Variants in USP25 observed in about 807,000 individuals in gnomAD.
USP25 encodes the protein ubiquitin carboxyl-terminal hydrolase 25.
In USP25, 85 loss-of-function variants were observed where a neutral mutation model predicts 158.5. The ratio of observed to expected loss-of-function variants is 0.54; its 90% confidence interval spans 0.45 to 0.64. The LOEUF (loss-of-function observed/expected upper bound fraction) is 0.64. USP25 is among the 30% of genes least tolerant of loss of function. The pLI is 0.00. For missense variants in USP25, 1,242 were observed against 1,327.3 expected (o/e 0.94, Z 1.00); for synonymous variants, 464 against 460.4 (o/e 1.01, Z -0.10).
rs1351856294 is a variant in USP25 at position 15,816,334 on chromosome 21, C to T, written c.932-2364C>T. Reference sequence around the variant, plus strand: ...AGTTCCAATTAATCCTCTTTTTCTTCCCAGTTTGGGATGTGTCTTTATCAG... The same window carrying T: ...AGTTCCAATTAATCCTCTTTTTCTTTCCAGTTTGGGATGTGTCTTTATCAG... On this transcript the variant is annotated intron_variant, in intron 9 of 25. Coordinates refer to ENST00000400183, the MANE Select transcript of USP25 (RefSeq NM_001283041.3). This position sits in a 1 kb window ranked among gnomAD's most constrained non-coding sequence, Gnocchi z 4.0. 1.3e-5 allele frequency among the ~76,000 whole-genome samples: 2 copies of T among 152,150 alleles called. No homozygotes were observed. The highest frequency in any genetic ancestry group is 2.9e-5 in the Non-Finnish European group (2 of 68,012).
Position 15,827,146 on chromosome 21 carries a change from T to C in USP25, c.1636T>C (p.Ser546Pro), listed in dbSNP as rs772630919. The change falls in exon 14 of 26, where the codon TCT becomes CCT. Residue 546 changes from serine to proline, a missense_variant. Coordinates refer to ENST00000400183, the MANE Select transcript of USP25 (RefSeq NM_001283041.3). ...APRHITEEEL[S>P]VLESCLHRWR... ...AAGGCACATAACGGAGGAAGAACTT[T>C]CTGTGCTGGAAAGTTGTTTACATCG... 51 of 1,614,052 alleles carry C rather than the reference T, an allele frequency of 3.2e-5. No individual in the cohort carries two copies. The highest frequency in any genetic ancestry group is 4.3e-5 in the Non-Finnish European group (51 of 1,180,040).
chr21:15,812,576 A>G (rs1600994834), intron 9 of USP25, among the ~76,000 whole-genome samples: 1 of 151,838 alleles, frequency 6.6e-6, no homozygotes, highest in African/African-American at 2.4e-5. Context: ...ACGTGAACCC[A>G]GGAGGCGGAG....
chr21:15,825,706 T>C (rs2037468287), intron 12 of USP25, among the ~76,000 whole-genome samples: 1 of 152,184 alleles, frequency 6.6e-6, no homozygotes, highest in Admixed American at 6.5e-5. Context: ...CCCAATCTGC[T>C]CTGCATTCCC....
Position 15,842,410 on chromosome 21 carries a change from G to A in USP25, c.2207G>A (p.Gly736Glu). The A allele has an allele frequency of 1.2e-6, 2 of 1,613,430 alleles. No homozygotes were observed. The highest frequency in any genetic ancestry group is 2.2e-5 in the South Asian group (2 of 91,052). The change falls in exon 18 of 26, where the codon GGA (glycine) becomes GAA (glutamate). Residue 736 changes from glycine to glutamate, a missense_variant. Physicochemically the swap from Gly to Glu is moderately conservative, Grantham distance 98. Transcript: ENST00000400183. ...TTTTCTCATGAAGCACAAGCAGCAG[G>A]AGACCCAGAATATCTAGAGCAGCCA... ...ETSVTTAQAA[G>E]DPEYLEQPSR... is the part of the protein sequence containing the mutation.
chr21:15,785,570 A>G (rs560343108), intron 4 of USP25, among the ~76,000 whole-genome samples: 5 of 152,378 alleles, frequency 3.3e-5, no homozygotes, highest in African/African-American at 9.6e-5. Context: ...TTAATAACCA[A>G]TGGGTCAGTG....
chr21:15,751,835 A>G (rs1303990476), intron 1 of USP25, among the ~76,000 whole-genome samples: 5 of 152,232 alleles, frequency 3.3e-5, no homozygotes, highest in Admixed American at 1.3e-4. Flanking sequence ...GTGCTGAGTA[A>G]CAGTATTTTT....
intron 24 of USP25, chr21:15,876,766 A>G (rs2040114283): frequency 6.6e-6 from 1 of 152,210 alleles, no homozygotes; most frequent in African/African-American, 2.4e-5. Flanking sequence ...TAATTGATTC[A>G]TGGCCAAGTT....
chr21:15,832,933 G>A (rs900060988), intron 16 of USP25, among the ~76,000 whole-genome samples: 3 of 152,028 alleles, frequency 2.0e-5, no homozygotes, highest in Non-Finnish European at 4.4e-5. Context: ...CGGGAGAATC[G>A]TCTGAACCCG....
chr21:15,739,818 A>G (rs1286523723), intron 1 of USP25, among the ~76,000 whole-genome samples: 1 of 152,242 alleles, frequency 6.6e-6, no homozygotes, highest in East Asian at 1.9e-4. Flanking sequence ...GTGAGCAAGT[A>G]GATGATGTGA....
chr21:15,752,129 C>T (rs1464380320), intron 1 of USP25, among the ~76,000 whole-genome samples: 1 of 152,072 alleles, frequency 6.6e-6, no homozygotes, highest in Non-Finnish European at 1.5e-5. Context: ...GATGGGGTTT[C>T]ACCATGTTGG....
intron 1 of USP25, among the ~76,000 whole-genome samples, chr21:15,746,013 C>A (rs952772799): frequency 3.9e-5 from 6 of 152,152 alleles, no homozygotes; most frequent in African/African-American, 1.4e-4. Flanking sequence ...ATTAATTGAT[C>A]ATGTATGAGT....
At chr21:15,819,949 A>G (rs1272303619) in intron 10 of USP25, among the ~76,000 whole-genome samples, 1 of 152,052 alleles carries the variant, frequency 6.6e-6, no homozygotes, top group African/African-American at 2.4e-5. Context: ...TACATCGTAG[A>G]TCATCTATTT....
At position 15,851,127 on chromosome 21, in the gene USP25, C is replaced by A. The variant is rs1460533381; in HGVS notation, c.2547+1255C>A. 2.0e-5 allele frequency among the ~76,000 whole-genome samples: 3 copies of A among 151,046 alleles called. No homozygotes were observed. In the East Asian group the frequency reaches 5.8e-4, roughly 29 times the overall value. Reference sequence around the variant, plus strand: ...ACATTTTCTTTTCTTAAAAAAAAAACACTGAATATATGTCCTCTAAAGTAT... The same window carrying A: ...ACATTTTCTTTTCTTAAAAAAAAAAAACTGAATATATGTCCTCTAAAGTAT... On this transcript the variant is annotated intron_variant, in intron 20 of 25. Transcript: ENST00000400183.
intron 7 of USP25, among the ~76,000 whole-genome samples, chr21:15,806,538 G>A (rs1048034429): frequency 6.6e-6 from 1 of 151,952 alleles, no homozygotes; most frequent in Admixed American, 6.6e-5. Flanking sequence ...ATGTACATAG[G>A]TGGGCTTTTC....
rs186700671 is a variant in USP25 at position 15,753,158 on chromosome 21, A to C, written c.46-9733A>C. Among the ~76,000 whole-genome samples, 359 of 152,290 alleles carry C rather than the reference A, an allele frequency of 2.4e-3. 5 individuals are homozygous for C. Among genetic ancestry groups the C allele is most frequent in the African/African-American group, 8.3e-3 (347 of 41,564 alleles). ...ACATCACATGTAGAGGAGGGGTCCC[A>C]GTGGTGCAAATGCAGTGAGTCACTA... On this transcript the variant is annotated intron_variant, in intron 1 of 25. Coordinates refer to ENST00000400183, the MANE Select transcript of USP25 (RefSeq NM_001283041.3).
At chr21:15,850,558 T>C (rs2038839080) in intron 20 of USP25, among the ~76,000 whole-genome samples, 1 of 152,030 alleles carries the variant, frequency 6.6e-6, no homozygotes, top group African/African-American at 2.4e-5. Context: ...TTCAAGTTTT[T>C]TTTTTTTTCA....
intron 18 of USP25, 121 bp from the exon 19 acceptor site, chr21:15,847,542 A>C: frequency 1.6e-6 from 1 of 627,934 alleles, no homozygotes; most frequent in South Asian, 2.2e-5. Context: ...ACTTTTAAAA[A>C]TAAGTCATAT....
intron 1 of USP25, among the ~76,000 whole-genome samples, chr21:15,756,284 C>T (rs761127669): frequency 2.0e-5 from 3 of 152,122 alleles, no homozygotes; most frequent in Non-Finnish European, 4.4e-5. Flanking sequence ...AAACCTCTCC[C>T]TGTGCTTTGG....
intron 1 of USP25, among the ~76,000 whole-genome samples, chr21:15,750,150 A>G (rs1228870019): frequency 6.7e-6 from 1 of 149,840 alleles, no homozygotes; most frequent in Non-Finnish European, 1.5e-5. Context: ...CAATGATTTA[A>G]TCAATTATAC....
Sources: allele counts gnomAD v4.1 joint callset (sites outside exome capture counted in the v4.1 genomes callset), GRCh38; gene constraint gnomAD v4.1.1; non-coding constraint Gnocchi (gnomAD v3.1); transcripts MANE v1.5; gene names NCBI Gene and HGNC (gene_info 2026-07-23, HGNC 2026-07-21).